The following APOL4 variants were observed in gnomAD, a reference collection of about 807,000 sequenced individuals.
APOL4 encodes apolipoprotein L, 4.
APOL4 carries 14 observed loss-of-function variants against 12.1 expected under a neutral mutation model. The ratio of observed to expected loss-of-function variants is 1.16; its 90% CI spans 0.76 to 1.81. The LOEUF (loss-of-function observed/expected upper bound fraction) is 1.81. Among genes scored for constraint, APOL4 ranks in the 40% most tolerant of loss-of-function variants. APOL4 has a pLI of 0.00. For synonymous variants in APOL4, 171 were observed against 160.6 expected (o/e 1.06, Z -0.49); for missense variants, 432 against 423.1 (o/e 1.02, Z -0.18).
At chr22:36,204,706 C>A, upstream of APOL4, 2 of 475,588 alleles carry the variant, frequency 4.2e-6, no homozygotes, top group East Asian at 4.7e-5. Context: ...AGCTGTGCAC[C>A]TATATAATAA....
intron 1 of APOL4, 52 bp from the exon 2 acceptor site, chr22:36,199,428 A>G: frequency 2.5e-6 from 4 of 1,613,608 alleles, no homozygotes; most frequent in Non-Finnish European, 3.4e-6. Flanking sequence ...ACCTATGGGC[A>G]AAGGGAGGCT....
chr22:36,195,276 G>A (rs551529683), intron 3 of APOL4, 35 bp downstream of exon 3: 8 of 1,601,528 alleles, frequency 5.0e-6, no homozygotes, highest in African/African-American at 1.3e-5. Context: ...TGGCATCACC[G>A]GGGTGCCCCA....
At position 36,195,544 on chromosome 22, in the gene APOL4, G is replaced by A. The variant is rs2014379904; in HGVS notation, c.83-107C>T. 2.5e-5 allele frequency: 33 copies of A among 1,340,608 alleles called. No individual in the cohort carries two copies. In the South Asian group the frequency reaches 4.3e-4, roughly 17 times the overall value. The allele number at this position is 1,340,608 out of a possible 1,614,324, so 83.0% of individuals were successfully genotyped here. A position where few individuals can be genotyped will look rare whatever the true frequency, so the allele number is the denominator to read the frequency against. On this transcript the variant is annotated intron_variant, in intron 2 of 3. Transcript: ENST00000683024. ...AATCCTCCTGAACCAGCTGTCACATGGGGTATTTTTGATGGAGGCACCAGT... is the reference window on the plus strand; with the variant it reads ...AATCCTCCTGAACCAGCTGTCACATAGGGTATTTTTGATGGAGGCACCAGT...
Position 36,200,889 on chromosome 22 carries a change from C to A in APOL4, c.35+811G>T, listed in dbSNP as rs143326973. On this transcript the variant is annotated intron_variant, in intron 1 of 3. Coordinates refer to ENST00000683024, the MANE Select transcript of APOL4 (RefSeq NM_001386885.1). ...TGTTATCAATACCAATTAGTACAAA[C>A]TTTAAGGCACGAAGGTAGCAGTTGA... 5.4e-3 allele frequency among the ~76,000 whole-genome samples: 829 copies of A among 152,288 alleles called. 14 individuals are homozygous for A. Among genetic ancestry groups the A allele is most frequent in the East Asian group, 0.048 (248 of 5,186 alleles).
rs544005568 is a variant in APOL4 at position 36,189,517 on chromosome 22, G to T, written c.*1558C>A. Reference sequence around the variant, plus strand: ...AGAGTGGATGCTGGTAAGACAGGGTGAGAGACCATCACCAGGGAAGGATTC... The same window carrying T: ...AGAGTGGATGCTGGTAAGACAGGGTTAGAGACCATCACCAGGGAAGGATTC... On this transcript the variant is annotated 3_prime_UTR_variant, in exon 4 of 4. Coordinates refer to ENST00000683024, the MANE Select transcript of APOL4 (RefSeq NM_001386885.1). 3 of 152,240 alleles carry T rather than the reference G, an allele frequency of 2.0e-5. No individual in the cohort carries two copies. The highest frequency in any genetic ancestry group is 7.2e-5 in the African/African-American group (3 of 41,430). 9.4% of individuals were successfully genotyped at this position (152,240 alleles called of 1,614,324 possible).
chr22:36,192,027 T>A, intron 3 of APOL4, 115 bp from the exon 4 acceptor site: 2 of 1,007,208 alleles, frequency 2.0e-6, no homozygotes, highest in Non-Finnish European at 1.4e-6. Flanking sequence ...CAAATGGAAG[T>A]AAAGTTCTAA....
At chr22:36,192,919 GACTT>G (rs1330550847) in intron 3 of APOL4, among the ~76,000 whole-genome samples, 1 of 152,190 alleles carries the variant, frequency 6.6e-6, no homozygotes, top group African/African-American at 2.4e-5. Flanking sequence ...AGTTAAGAAA[GACTT>G]ACTCCTTGGC....
At chr22:36,194,123 C>G (rs369129632) in intron 3 of APOL4, among the ~76,000 whole-genome samples, 1 of 152,086 alleles carries the variant, frequency 6.6e-6, no homozygotes, top group Non-Finnish European at 1.5e-5. Context: ...GTGAGTCTTC[C>G]GAGAACCCTT....
rs373896200 is a variant in APOL4 at position 36,191,304 on chromosome 22, C to T, written c.818G>A (p.Arg273Lys). 102 of 1,613,936 alleles carry T rather than the reference C, an allele frequency of 6.3e-5. No individual in the cohort carries two copies. Among genetic ancestry groups the T allele is most frequent in the Non-Finnish European group, 7.9e-5 (93 of 1,179,910 alleles). Residue 273 changes from arginine (R) to lysine (K), a missense_variant, in exon 4 of 4, where the codon AGA becomes AAA. Physicochemically the swap from Arg to Lys is conservative, Grantham distance 26. Transcript: ENST00000683024. ...YVPINVVETL[R>K]TRGAPTRIVR... ...TATCCGGGTGGGGGCCCCACGTGTT[C>T]TCAGTGTCTCAACAACATTTATAGG...
intron 2 of APOL4, chr22:36,197,979 T>C (rs2014463097): frequency 1.6e-6 from 2 of 1,286,122 alleles, no homozygotes; most frequent in African/African-American, 3.0e-5. Flanking sequence ...GCAACAAAAC[T>C]GCGTGGCCCC....
chr22:36,198,760 T>C (rs2014484996), intron 2 of APOL4, among the ~76,000 whole-genome samples: 1 of 152,098 alleles, frequency 6.6e-6, no homozygotes, highest in African/African-American at 2.4e-5. Context: ...AGTAAGGAGC[T>C]CCAGGTCACA....
At chr22:36,194,420 C>T (rs778897178) in intron 3 of APOL4, among the ~76,000 whole-genome samples, 2 of 152,176 alleles carry the variant, frequency 1.3e-5, no homozygotes, top group African/African-American at 2.4e-5. Flanking sequence ...CACCCTCCTC[C>T]CAGCCTTGAT....
intron 1 of APOL4, among the ~76,000 whole-genome samples, chr22:36,200,812 T>C (rs540777097): frequency 2.0e-5 from 3 of 152,216 alleles, no homozygotes; most frequent in Non-Finnish European, 4.4e-5. Context: ...GTAGTCTCTT[T>C]ATCAGGACAA....
At chr22:36,192,726 T>A (rs902870668) in intron 3 of APOL4, among the ~76,000 whole-genome samples, 4 of 152,194 alleles carry the variant, frequency 2.6e-5, no homozygotes, top group African/African-American at 9.7e-5. Flanking sequence ...CCCTGGTGGT[T>A]TGGCTACAGG....
rs1286835555 is a variant in APOL4, at chr22:36,191,926, G to A, written c.210-14C>T. ...TCTGCCTCTTCCCTGTACCAATAAA[G>A]GACAGATGATTAAGAAAGGCAGCTT... On this transcript the variant is annotated splice_polypyrimidine_tract_variant and intron_variant, in intron 3 of 3. Transcript: ENST00000683024. 1.9e-6 allele frequency: 3 copies of A among 1,553,854 alleles called. No homozygotes were observed. The highest frequency in any genetic ancestry group is 2.4e-5 in the South Asian group (2 of 83,344).
intron 1 of APOL4, among the ~76,000 whole-genome samples, chr22:36,201,007 A>T (rs34320484): frequency 3.9e-4 from 59 of 151,968 alleles, no homozygotes; most frequent in South Asian, 1.9e-3. Context: ...TGAGGGTATA[A>T]GAAAGTTGTA....
At chr22:36,197,763 A>T (rs1402616172) in intron 2 of APOL4, 92 of 1,550,444 alleles carry the variant, frequency 5.9e-5, no homozygotes, top group Non-Finnish European at 7.7e-5. Flanking sequence ...GCAGGTTCAC[A>T]TAATGGACAC....
intron 2 of APOL4, 64 bp from the exon 3 acceptor site, chr22:36,195,501 A>G (rs1176184688): frequency 1.9e-6 from 3 of 1,568,834 alleles, no homozygotes; most frequent in South Asian, 1.2e-5. Flanking sequence ...GGCATTGAGT[A>G]TAAGGTGGTT....
chr22:36,204,315 C>T (rs2014667537), upstream of APOL4, among the ~76,000 whole-genome samples: 1 of 152,160 alleles, frequency 6.6e-6, no homozygotes, highest in South Asian at 2.1e-4. Context: ...TGGGCACCCC[C>T]AACACAAACC....
Sources: allele counts gnomAD v4.1 joint callset (sites outside exome capture counted in the v4.1 genomes callset), GRCh38; gene constraint gnomAD v4.1.1; transcripts MANE v1.5; gene names NCBI Gene and HGNC (gene_info 2026-07-23, HGNC 2026-07-21).